The following JMJD1C variants were observed in gnomAD, a reference collection of about 807,000 sequenced individuals.
The protein encoded by JMJD1C is jumonji domain-containing protein 1C.
Under a neutral mutation model 245.3 loss-of-function variants are expected in JMJD1C, and 31 were observed. That is an observed-to-expected ratio of 0.13 (90% CI 0.09 to 0.17). The LOEUF is 0.17. JMJD1C is among the 10% of genes least tolerant of loss of function. The pLI is 1.00. For missense variants in JMJD1C, 2,691 were observed against 3,000.2 expected (o/e 0.90, Z 2.41); for synonymous variants, 1,057 against 1,017.4 (o/e 1.04, Z -0.74).
rs1338457130 is a variant in JMJD1C at position 63,208,141 on chromosome 10, T to C, written c.3528A>G (p.Val1176=). The C allele has an allele frequency of 6.2e-7, 1 of 1,614,082 alleles. No homozygotes were observed. Among genetic ancestry groups the C allele is most frequent in the East Asian group, 2.2e-5 (1 of 44,896 alleles). The change falls in exon 10 of 26, where the codon GTA becomes GTG. Residue 1176 remains valine, a synonymous_variant. Transcript: ENST00000399262. Reference sequence around the variant, plus strand: ...TCCTACAATCATTTCTGAAGGTTGTTACTGAGTGAGATGCAATCTGATGTG... The same window carrying C: ...TCCTACAATCATTTCTGAAGGTTGTCACTGAGTGAGATGCAATCTGATGTG... ...HLPHQIASHS[V]TTFRNDCRSP...
At chr10:63,505,650 C>A (rs1247695403) in intron 1 of JMJD1C, among the ~76,000 whole-genome samples, 2 of 151,734 alleles carry the variant, frequency 1.3e-5, no homozygotes, top group African/African-American at 4.8e-5. Context: ...TTTAGTTGGT[C>A]TGGGGTAGGA....
chr10:63,389,233 AC>A (rs779680189), intron 1 of JMJD1C, among the ~76,000 whole-genome samples: 19 of 149,300 alleles, frequency 1.3e-4, no homozygotes, highest in Non-Finnish European at 2.5e-4. Context: ...AACCGCTTGA[AC>A]CTGGAAGGCA....
intron 3 of JMJD1C, 49 bp from the exon 4 acceptor site, chr10:63,220,032 T>A: frequency 7.3e-7 from 1 of 1,365,042 alleles, no homozygotes. Flanking sequence ...CTCCTACCAT[T>A]AATGTTACCG....
At chr10:63,369,069 A>C (rs934345875) in intron 2 of JMJD1C, among the ~76,000 whole-genome samples, 1 of 151,974 alleles carries the variant, frequency 6.6e-6, no homozygotes. Context: ...GAATTAGTTA[A>C]CCATCAACTA....
rs1202730541 is a variant in JMJD1C, at chr10:63,396,929, G to A, written c.169-16447C>T. Among the ~76,000 whole-genome samples the A allele has an allele frequency of 4.6e-5, 6 of 130,132 alleles. No homozygotes were observed. In the South Asian group the frequency reaches 1.0e-3, roughly 22 times the overall value. The allele number at this position is 130,132 out of a possible 152,430, so 85.4% of individuals were successfully genotyped here. On this transcript the variant is annotated intron_variant, in intron 1 of 25. Transcript: ENST00000399262. The stretch of plus-strand genomic sequence containing the variant: ...CACGTTCAAGAAGAACTGGTTTTTG[G>A]TTTTTTTTTTTTTTTTTGAGACAGG...
At chr10:63,301,870 A>G (rs970161843) in intron 2 of JMJD1C, 3 of 368,214 alleles carry the variant, frequency 8.1e-6, no homozygotes, top group African/African-American at 2.1e-5. Flanking sequence ...ACAAATGGCT[A>G]AAGAATTCTG....
chr10:63,515,834 T>C (rs1003810300), intron 1 of JMJD1C, among the ~76,000 whole-genome samples: 3 of 152,220 alleles, frequency 2.0e-5, no homozygotes, highest in South Asian at 2.1e-4. Context: ...TATGAAGATA[T>C]ATACCCAAAA....
At chr10:63,256,090 G>A (rs1419288166) in intron 3 of JMJD1C, among the ~76,000 whole-genome samples, 1 of 152,114 alleles carries the variant, frequency 6.6e-6, no homozygotes, top group Non-Finnish European at 1.5e-5. Flanking sequence ...AAGGAGACTG[G>A]CAGATTTTTC....
intron 2 of JMJD1C, among the ~76,000 whole-genome samples, chr10:63,314,445 A>G (rs147502037): frequency 6.6e-6 from 1 of 152,288 alleles, no homozygotes; most frequent in Non-Finnish European, 1.5e-5. Flanking sequence ...CTGTAGTCCC[A>G]GCTACTTGGG....
intron 1 of JMJD1C, among the ~76,000 whole-genome samples, chr10:63,509,064 T>C (rs189923830): frequency 5.0e-4 from 76 of 152,220 alleles, no homozygotes; most frequent in Non-Finnish European, 9.3e-4. Flanking sequence ...AGCTGTAGGG[T>C]TTTTTAGATG....
At chr10:63,315,357 G>C (rs1168401435) in intron 2 of JMJD1C, among the ~76,000 whole-genome samples, 2 of 152,096 alleles carry the variant, frequency 1.3e-5, no homozygotes, top group African/African-American at 4.8e-5. Context: ...TTGTAAGTAA[G>C]AACATGCAGT....
chr10:63,446,589 C>T (rs1951732505), intron 1 of JMJD1C, among the ~76,000 whole-genome samples: 2 of 152,102 alleles, frequency 1.3e-5, no homozygotes, highest in Non-Finnish European at 2.9e-5. Flanking sequence ...ATGAGGAAAA[C>T]CTTCCAAGGA....
intron 1 of JMJD1C, among the ~76,000 whole-genome samples, chr10:63,434,540 G>A (rs1478467861): frequency 1.3e-5 from 2 of 152,070 alleles, no homozygotes; most frequent in African/African-American, 4.8e-5. Flanking sequence ...TACCGAGAGA[G>A]GAAGATTTCC....
chr10:63,378,924 A>G (rs1339640584), intron 2 of JMJD1C, among the ~76,000 whole-genome samples: 1 of 152,072 alleles, frequency 6.6e-6, no homozygotes, highest in African/African-American at 2.4e-5. Context: ...GCTATGCAAA[A>G]TTTTCTATTG....
intron 3 of JMJD1C, among the ~76,000 whole-genome samples, chr10:63,223,589 T>C (rs1332697935): frequency 6.6e-6 from 1 of 152,130 alleles, no homozygotes; most frequent in Non-Finnish European, 1.5e-5. Flanking sequence ...ATAAAACCAG[T>C]TGACTGTGTT....
At chr10:63,247,473 G>C (rs949055735) in intron 3 of JMJD1C, among the ~76,000 whole-genome samples, 1 of 151,974 alleles carries the variant, frequency 6.6e-6, no homozygotes, top group African/African-American at 2.4e-5. Flanking sequence ...AGGCATGGTG[G>C]CTCAAACCTG....
chr10:63,435,706 T>G (rs915107948), intron 1 of JMJD1C, among the ~76,000 whole-genome samples: 3 of 152,050 alleles, frequency 2.0e-5, no homozygotes, highest in Admixed American at 2.0e-4. Flanking sequence ...TCGACACGAA[T>G]CTGGCCAACA....
At position 63,202,479 on chromosome 10, in the gene JMJD1C, A is replaced by C; in HGVS notation, c.5075-1802T>G. ...TCAGAGGTACAGCTATTCTCCTGAG[A>C]CTACGTACTTCTTGCAGAAACTTAC... On this transcript the variant is annotated intron_variant, in intron 10 of 25. Transcript: ENST00000399262. 3 of 985,420 alleles carry C rather than the reference A, an allele frequency of 3.0e-6. No individual in the cohort carries two copies. The South Asian group carries it at 1.4e-4, about 46-fold the overall frequency. The allele number at this position is 985,420 out of a possible 1,614,324, so 61.0% of individuals were successfully genotyped here. A position where few individuals can be genotyped will look rare whatever the true frequency, so the allele number is the denominator to read the frequency against.
chr10:63,499,403 A>C (rs1284249281), intron 1 of JMJD1C, among the ~76,000 whole-genome samples: 4 of 152,232 alleles, frequency 2.6e-5, no homozygotes, highest in Non-Finnish European at 5.9e-5. Context: ...TTCTGATAAT[A>C]GCTGTTAGTC....
Sources: allele counts gnomAD v4.1 joint callset (sites outside exome capture counted in the v4.1 genomes callset), GRCh38; gene constraint gnomAD v4.1.1; transcripts MANE v1.5; gene names NCBI Gene and HGNC (gene_info 2026-07-23, HGNC 2026-07-21).